Variants in DPYSL4 observed in about 807,000 individuals in gnomAD.
DPYSL4 encodes dihydropyrimidinase like 4.
A neutral mutation model predicts 63.4 loss-of-function variants in DPYSL4; 43 were observed. The ratio of observed to expected loss-of-function variants is 0.68; its 90% CI spans 0.53 to 0.88. DPYSL4 has a LOEUF of 0.88. DPYSL4 is among the 40% of genes least tolerant of loss of function. The probability of loss-of-function intolerance (pLI) is 0.00; values close to 1 mark genes in which losing one functional copy is unlikely to be tolerated. For missense variants in DPYSL4, 733 were observed against 819.5 expected, an observed-to-expected ratio of 0.89 and a Z score of 1.29; for synonymous variants, 353 against 331.7, an observed-to-expected ratio of 1.06 and a Z score of -0.70.
intron 3 of DPYSL4, among the ~76,000 whole-genome samples, chr10:132,193,342 G>A (rs2061901304): frequency 6.6e-6 from 1 of 152,254 alleles, no homozygotes; most frequent in South Asian, 2.1e-4. Context: ...AACCCGAGTT[G>A]CTATTTCTGT....
In DPYSL4 at chr10:132,200,691, G is replaced by A. The variant is rs569878543; in HGVS notation, c.969-151G>A. On this transcript the variant is annotated intron_variant, in intron 9 of 13. Coordinates refer to ENST00000338492, the MANE Select transcript of DPYSL4 (RefSeq NM_006426.3). Reference sequence around the variant, plus strand: ...GCTCCCCTGGCAGGAACCAGTCCCCGCTCCCCTGCACAGAGGCACCAGCTC... The same window carrying A: ...GCTCCCCTGGCAGGAACCAGTCCCCACTCCCCTGCACAGAGGCACCAGCTC... The A allele has an allele frequency of 4.9e-4, 662 of 1,341,172 alleles. 4 individuals carry two copies. The highest frequency in any genetic ancestry group is 2.4e-3 in the South Asian group (163 of 67,894). 83.1% of individuals were successfully genotyped at this position (1,341,172 alleles called of 1,614,324 possible).
At chr10:132,195,892 CCT>C (rs1448667564) in intron 4 of DPYSL4, among the ~76,000 whole-genome samples, 1 of 152,220 alleles carries the variant, frequency 6.6e-6, no homozygotes, top group African/African-American at 2.4e-5. Context: ...CTCCCCTCAC[CCT>C]GTGTTGGCAG....
intron 12 of DPYSL4, chr10:132,203,445 G>A (rs1036859919): frequency 4.8e-6 from 2 of 413,100 alleles, no homozygotes; most frequent in Non-Finnish European, 4.4e-6. Context: ...AGTGCACGTG[G>A]GGCCTCGGAG....
chr10:132,187,146 C>A, intron 1 of DPYSL4, 44 bp downstream of exon 1: 1 of 1,456,900 alleles, frequency 6.9e-7, no homozygotes, highest in East Asian at 2.6e-5. Flanking sequence ...GCCCGCCGCC[C>A]GGAGTGGGGC....
chr10:132,189,098 G>T lies in DPYSL4; in HGVS notation c.40-1649G>T, dbSNP rs139106801. ...TTAATGCTCTTGGCTTCAGACTGAC[G>T]GTGCGTGAAGGCTCTAGCCCCAGGC... On this transcript the variant is annotated intron_variant, in intron 1 of 13. Transcript: ENST00000338492. 2.9e-3 allele frequency among the ~76,000 whole-genome samples: 444 copies of T among 152,352 alleles called. 3 individuals are homozygous for T. The highest frequency in any genetic ancestry group is 1.3e-3 in the Non-Finnish European group (90 of 68,034).
intron 10 of DPYSL4, among the ~76,000 whole-genome samples, chr10:132,201,336 G>A (rs1565045768): frequency 2.0e-5 from 3 of 152,110 alleles, no homozygotes; most frequent in Admixed American, 6.5e-5. Flanking sequence ...CCTGTCCTGC[G>A]CCCTCCCGCA....
chr10:132,202,440 C>T (rs749897146), intron 11 of DPYSL4, among the ~76,000 whole-genome samples: 27 of 152,222 alleles, frequency 1.8e-4, no homozygotes, highest in Admixed American at 3.3e-4. Context: ...TCGAGAGAAA[C>T]GGGACTCAGA....
intron 13 of DPYSL4, among the ~76,000 whole-genome samples, 168 bp from the exon 14 acceptor site, chr10:132,204,671 G>A (rs2062070122): frequency 6.6e-6 from 1 of 152,206 alleles, no homozygotes; most frequent in Non-Finnish European, 1.5e-5. Context: ...TCAGGGATGG[G>A]AGTCCTGCCG....
In DPYSL4 at chr10:132,187,114, C is replaced by A; in HGVS notation, c.39+12C>A. The A allele has an allele frequency of 6.6e-7, 1 of 1,525,664 alleles. No homozygotes were observed. The highest frequency in any genetic ancestry group is 8.8e-7 in the Non-Finnish European group (1 of 1,131,510). The allele number at this position is 1,525,664 out of a possible 1,614,324, so 94.5% of individuals were successfully genotyped here. A position where few individuals can be genotyped will look rare whatever the true frequency, so the allele number is the denominator to read the frequency against. ...TCCCCCGGATCACGGTGAGCCCGGT[C>A]CCGCTTCGCCCGGCGCCCCCTGCCC... On this transcript the variant is annotated intron_variant, in intron 1 of 13. Transcript: ENST00000338492.
In DPYSL4 at chr10:132,187,109, C is replaced by T. The variant is rs751859217; in HGVS notation, c.39+7C>T. On this transcript the variant is annotated splice_region_variant and intron_variant, in intron 1 of 13. Transcript: ENST00000338492. ...AAGCATCCCCCGGATCACGGTGAGC[C>T]CGGTCCCGCTTCGCCCGGCGCCCCC... 72 of 1,529,576 alleles carry T rather than the reference C, an allele frequency of 4.7e-5. No homozygotes were observed. The highest frequency in any genetic ancestry group is 3.8e-5 in the Non-Finnish European group (43 of 1,133,898). 94.8% of individuals were successfully genotyped at this position (1,529,576 alleles called of 1,614,324 possible).
intron 6 of DPYSL4, among the ~76,000 whole-genome samples, chr10:132,197,651 G>T (rs1012522958): frequency 6.6e-6 from 1 of 152,234 alleles, no homozygotes; most frequent in African/African-American, 2.4e-5. Context: ...CCATACCCGT[G>T]GGACCTCAGT....
chr10:132,193,250 T>G (rs2061900217), intron 3 of DPYSL4, among the ~76,000 whole-genome samples: 1 of 152,236 alleles, frequency 6.6e-6, no homozygotes, highest in Non-Finnish European at 1.5e-5. Flanking sequence ...AGGTTCTTGC[T>G]CATGTCAAGA....
intron 8 of DPYSL4, 43 bp from the exon 9 acceptor site, chr10:132,200,313 G>A (rs773316426): frequency 2.5e-6 from 4 of 1,607,440 alleles, no homozygotes; most frequent in Admixed American, 1.7e-5. Flanking sequence ...CCCAGGGGGT[G>A]CAGGTGGTCG....
intron 12 of DPYSL4, chr10:132,203,407 C>T (rs2062047428): frequency 3.4e-6 from 1 of 293,640 alleles, no homozygotes; most frequent in Admixed American, 4.5e-5. Context: ...CGCACAGGGG[C>T]ACTCGCAGTG....
Position 132,192,264 on chromosome 10 carries a change from G to A in DPYSL4, c.129-394G>A, listed in dbSNP as rs78385149. The A allele has an allele frequency of 1.1e-3, 1,052 of 970,606 alleles. 6 individuals are homozygous for A. In the African/African-American group the frequency reaches 0.016, roughly 15 times the overall value. The allele number at this position is 970,606 out of a possible 1,614,324, so 60.1% of individuals were successfully genotyped here. A position where few individuals can be genotyped will look rare whatever the true frequency, so the allele number is the denominator to read the frequency against. On this transcript the variant is annotated intron_variant, in intron 2 of 13. Coordinates refer to ENST00000338492, the MANE Select transcript of DPYSL4 (RefSeq NM_006426.3). ...GCGAAAGCAGGACACCAGCTTCCACGTTTCTTTGTTCATCGCAGCACTTAG... is the reference window on the plus strand; with the variant it reads ...GCGAAAGCAGGACACCAGCTTCCACATTTCTTTGTTCATCGCAGCACTTAG...
rs762573872 is a variant in DPYSL4, at chr10:132,200,835, T to C, written c.969-7T>C. On this transcript the variant is annotated splice_polypyrimidine_tract_variant and splice_region_variant and intron_variant, in intron 9 of 13. Coordinates refer to ENST00000338492, the MANE Select transcript of DPYSL4 (RefSeq NM_006426.3). ...GCCAGGACCCTCTGACCCTGGCTTGTTTCCAGCGGGGACCTCCAGGTGACA... is the reference window on the plus strand; with the variant it reads ...GCCAGGACCCTCTGACCCTGGCTTGCTTCCAGCGGGGACCTCCAGGTGACA... 9.1e-5 allele frequency: 146 copies of C among 1,611,296 alleles called. 1 individual carries two copies. In the East Asian group the frequency reaches 3.2e-3, roughly 35 times the overall value.
At position 132,202,759 on chromosome 10, in the gene DPYSL4, G is replaced by C. The variant is rs368052882; in HGVS notation, c.1395G>C (p.Ala465=). ...EDGKMFVTPG[A]GRFVPRKTFP... is the part of the protein sequence containing the mutation. ...GGAAGATGTTTGTCACCCCGGGGGC[G>C]GGCCGCTTCGTCCCTCGGAAAACAT... Residue 465 remains alanine, a synonymous_variant, in exon 12 of 14, where the codon GCG becomes GCC. Coordinates refer to ENST00000338492, the MANE Select transcript of DPYSL4 (RefSeq NM_006426.3). 1.9e-6 allele frequency: 3 copies of C among 1,612,762 alleles called. No homozygotes were observed. Among genetic ancestry groups the C allele is most frequent in the Non-Finnish European group, 2.5e-6 (3 of 1,179,800 alleles).
chr10:132,204,590 A>G (rs1394809173), intron 13 of DPYSL4, among the ~76,000 whole-genome samples: 2 of 152,236 alleles, frequency 1.3e-5, no homozygotes, highest in African/African-American at 4.8e-5. Flanking sequence ...CGGGACAGGA[A>G]GGGCTTCCTG....
intron 8 of DPYSL4, 50 bp from the exon 9 acceptor site, chr10:132,200,306 A>C (rs1325935928): frequency 1.2e-6 from 2 of 1,604,744 alleles, no homozygotes; most frequent in African/African-American, 1.3e-5. Flanking sequence ...TCGGGGCCCC[A>C]GGGGGTGCAG....
Sources: allele counts gnomAD v4.1 joint callset (sites outside exome capture counted in the v4.1 genomes callset), GRCh38; gene constraint gnomAD v4.1.1; transcripts MANE v1.5; gene names NCBI Gene and HGNC (gene_info 2026-07-23, HGNC 2026-07-21).